Variants in CNTN4 observed in about 807,000 individuals in gnomAD.
CNTN4 encodes contactin 4.
CNTN4 carries 77 observed loss-of-function variants against 122.5 expected under a neutral mutation model. That is an observed-to-expected ratio of 0.63 (90% CI 0.52 to 0.76). The LOEUF is 0.76. Ranked by LOEUF, CNTN4 falls within the 30% of genes least tolerant of loss-of-function variation. The pLI is 0.00. For missense variants in CNTN4, 1,256 were observed against 1,259.1 expected (o/e 1.00, Z 0.04); for synonymous variants, 512 against 447.0 (o/e 1.15, Z -1.83).
At chr3:2,506,323 C>T (rs528461130) in intron 3 of CNTN4, among the ~76,000 whole-genome samples, 3 of 152,204 alleles carry the variant, frequency 2.0e-5, no homozygotes, top group South Asian at 2.1e-4. Flanking sequence ...GTACCAGAGC[C>T]GAAGAGTCCG....
chr3:2,340,707 A>AGAGAGAGAGAGAGAGAGAGAGAGAGGGG (rs1174143787), intron 3 of CNTN4, among the ~76,000 whole-genome samples: 866 of 84,902 alleles, frequency 0.01, 5 homozygotes, highest in African/African-American at 0.017. Context: ...ATATATATAT[A>AGAGAGAGAGAGAGAGAGAGAGAGAGGGG]TATAGAGAGA....
At chr3:2,895,150 A>G (rs1229616883) in intron 10 of CNTN4, among the ~76,000 whole-genome samples, 1 of 152,024 alleles carries the variant, frequency 6.6e-6, no homozygotes, top group African/African-American at 2.4e-5. Context: ...TAATTTTTGT[A>G]TTTTTAGGAA....
intron 6 of CNTN4, among the ~76,000 whole-genome samples, chr3:2,792,840 G>C (rs1172503105): frequency 6.6e-6 from 1 of 152,174 alleles, no homozygotes; most frequent in African/African-American, 2.4e-5. Context: ...TTTTATATAA[G>C]ATGTATTTAT....
At chr3:2,750,537 T>C (rs775858515) in intron 6 of CNTN4, among the ~76,000 whole-genome samples, 1 of 152,218 alleles carries the variant, frequency 6.6e-6, no homozygotes, top group Non-Finnish European at 1.5e-5. Context: ...CCTTCTTTGA[T>C]TAAATAAGGA....
intron 2 of CNTN4, among the ~76,000 whole-genome samples, chr3:2,271,862 G>T (rs2149821565): frequency 6.6e-6 from 1 of 152,212 alleles, no homozygotes; most frequent in African/African-American, 2.4e-5. Flanking sequence ...ATCATGTTAT[G>T]TCATTACTTT....
At chr3:2,452,874 C>T (rs1480913249) in intron 3 of CNTN4, among the ~76,000 whole-genome samples, 3 of 152,036 alleles carry the variant, frequency 2.0e-5, no homozygotes, top group Non-Finnish European at 4.4e-5. Context: ...CCCAGAGAAG[C>T]CTAGACCCCT....
chr3:2,827,913 TA>T (rs34092227), intron 7 of CNTN4, among the ~76,000 whole-genome samples: 3 of 152,098 alleles, frequency 2.0e-5, no homozygotes, highest in Non-Finnish European at 4.4e-5. Flanking sequence ...TATGGCAGCT[TA>T]AAAAAAGCAA....
chr3:2,482,867 CT>C (rs1368182766), intron 3 of CNTN4, among the ~76,000 whole-genome samples: 1 of 152,214 alleles, frequency 6.6e-6, no homozygotes, highest in African/African-American at 2.4e-5. Flanking sequence ...CAAAAGTTTG[CT>C]GCAGGGACAA....
At chr3:2,751,347 C>T (rs1420496273) in intron 6 of CNTN4, among the ~76,000 whole-genome samples, 1 of 151,910 alleles carries the variant, frequency 6.6e-6, no homozygotes. Flanking sequence ...AATAAAGATG[C>T]TCATGTATGG....
At chr3:2,412,355 G>C (rs1386375494) in intron 3 of CNTN4, among the ~76,000 whole-genome samples, 2 of 151,912 alleles carry the variant, frequency 1.3e-5, no homozygotes, top group East Asian at 1.9e-4. Flanking sequence ...GGGTTCAAGT[G>C]ATTCTCCTGC....
At chr3:2,436,062 T>G (rs1416213012) in intron 3 of CNTN4, among the ~76,000 whole-genome samples, 3 of 152,168 alleles carry the variant, frequency 2.0e-5, no homozygotes, top group Admixed American at 6.6e-5. Flanking sequence ...TTAGTTTGAG[T>G]TGAATTGAAT....
chr3:2,616,277 A>G (rs1023911989), intron 4 of CNTN4, among the ~76,000 whole-genome samples: 1 of 152,024 alleles, frequency 6.6e-6, no homozygotes, highest in Non-Finnish European at 1.5e-5. Context: ...CAGTTTGCTG[A>G]GGATGATGCT....
chr3:2,865,592 T>C (rs1016550999), intron 7 of CNTN4, among the ~76,000 whole-genome samples: 1 of 152,186 alleles, frequency 6.6e-6, no homozygotes. Context: ...AAAGTAATTT[T>C]TGAAGATAAA....
intron 7 of CNTN4, among the ~76,000 whole-genome samples, chr3:2,836,432 C>T (rs9861814): frequency 0.45 from 68,715 of 151,834 alleles, 17,785 homozygotes; most frequent in East Asian, 0.79. Flanking sequence ...ATGTTGGTAA[C>T]GCTTACATAG....
At chr3:2,646,739 G>A (rs567806145) in intron 4 of CNTN4, among the ~76,000 whole-genome samples, 2 of 152,290 alleles carry the variant, frequency 1.3e-5, no homozygotes, top group South Asian at 4.1e-4. Flanking sequence ...AGTTTAGATT[G>A]TTCCTGAGGA....
At chr3:2,547,695 A>T (rs992379565) in intron 3 of CNTN4, among the ~76,000 whole-genome samples, 2 of 152,164 alleles carry the variant, frequency 1.3e-5, no homozygotes, top group African/African-American at 4.8e-5. Flanking sequence ...TGCCTAGGGA[A>T]GGTAGCTTCA....
At chr3:2,796,683 C>T (rs1414075555) in intron 6 of CNTN4, among the ~76,000 whole-genome samples, 1 of 152,278 alleles carries the variant, frequency 6.6e-6, no homozygotes, top group East Asian at 1.9e-4. Context: ...TTCTTTGAGA[C>T]TTATCGGAAG....
intron 12 of CNTN4, among the ~76,000 whole-genome samples, chr3:2,906,630 G>T (rs1236555937): frequency 6.6e-6 from 1 of 151,952 alleles, no homozygotes; most frequent in Non-Finnish European, 1.5e-5. Flanking sequence ...CTGAGGTTGG[G>T]AGATCGAGCC....
At position 2,119,048 on chromosome 3, in the gene CNTN4, A is replaced by C. The variant is rs539071781; in HGVS notation, c.-145+18409A>C. 2.6e-5 allele frequency among the ~76,000 whole-genome samples: 4 copies of C among 152,236 alleles called. No homozygotes were observed. The South Asian group carries it at 8.3e-4, about 31-fold the overall frequency. ...AAGATATTTTAAAGATGAGATTAAC[A>C]TTTAAATCAGTGGACTTTGAATAAA... On this transcript the variant is annotated intron_variant, in intron 2 of 24. Transcript: ENST00000418658.
Sources: gnomAD v4.1 joint callset for allele counts (sites outside exome capture counted in the v4.1 genomes callset) on GRCh38, gnomAD v4.1.1 for gene constraint, MANE v1.5 for transcripts, NCBI Gene and HGNC (gene_info 2026-07-23, HGNC 2026-07-21) for gene names.